Variants in HMGA2 observed in about 807,000 individuals in gnomAD.
The protein encoded by HMGA2 is high mobility group protein HMGI-C.
Under a neutral mutation model 19.1 loss-of-function variants are expected in HMGA2, and 8 were observed. That is an observed-to-expected ratio of 0.42 (90% CI 0.25 to 0.76). The LOEUF (loss-of-function observed/expected upper bound fraction) is 0.76. Ranked by LOEUF, HMGA2 falls within the 30% of genes least tolerant of loss-of-function variation. The pLI, the probability that HMGA2 is intolerant of heterozygous loss-of-function variation, is 0.28. For synonymous variants in HMGA2, 60 were observed against 48.8 expected, an observed-to-expected ratio of 1.23 and a Z score of -0.96; for missense variants, 109 against 136.3, an observed-to-expected ratio of 0.80 and a Z score of 1.00.
At chr12:65,947,031 G>A (rs1876290595) in intron 3 of HMGA2, among the ~76,000 whole-genome samples, 1 of 152,128 alleles carries the variant, frequency 6.6e-6, no homozygotes, top group Non-Finnish European at 1.5e-5. Flanking sequence ...CTAGACTGCA[G>A]AGAACTACTC....
chr12:65,879,853 A>G (rs1424480714), intron 3 of HMGA2, among the ~76,000 whole-genome samples: 4 of 152,246 alleles, frequency 2.6e-5, no homozygotes, highest in East Asian at 1.9e-4. Flanking sequence ...TAAGCATAAC[A>G]TATCTCCACA....
At chr12:65,937,895 A>G (rs1875950422) in intron 3 of HMGA2, among the ~76,000 whole-genome samples, 1 of 152,166 alleles carries the variant, frequency 6.6e-6, no homozygotes, top group African/African-American at 2.4e-5. Context: ...AGCACAGAGA[A>G]TAGTAAAATG....
At chr12:65,897,276 TA>T (rs1379612671) in intron 3 of HMGA2, among the ~76,000 whole-genome samples, 2 of 152,196 alleles carry the variant, frequency 1.3e-5, no homozygotes, top group Non-Finnish European at 2.9e-5. Flanking sequence ...ACACTTAAAT[TA>T]TTATTGACCA....
intron 4 of HMGA2, chr12:65,956,440 C>T (rs1163231840): frequency 6.6e-6 from 1 of 152,122 alleles, no homozygotes; most frequent in Non-Finnish European, 1.5e-5. Flanking sequence ...TAAAGTAGCT[C>T]AAGGACATAG....
intron 3 of HMGA2, among the ~76,000 whole-genome samples, chr12:65,895,282 A>G (rs1341088692): frequency 2.0e-5 from 3 of 152,162 alleles, no homozygotes; most frequent in Non-Finnish European, 4.4e-5. Flanking sequence ...GAGGAAAGGT[A>G]TTACACTTAG....
chr12:65,830,307 T>G (rs1468779735), intron 2 of HMGA2, among the ~76,000 whole-genome samples: 1 of 151,980 alleles, frequency 6.6e-6, no homozygotes, highest in East Asian at 1.9e-4. Context: ...TTTCAAACAT[T>G]TGTTTATTAA....
Position 65,824,891 on chromosome 12 carries a change from C to T in HMGA2, c.-380C>T, listed in dbSNP as rs1028088061. The T allele has an allele frequency of 3.5e-6, 1 of 282,210 alleles. No homozygotes were observed. Among genetic ancestry groups the T allele is most frequent in the Admixed American group, 5.4e-5 (1 of 18,540 alleles). 17.5% of individuals were successfully genotyped at this position (282,210 alleles called of 1,614,324 possible). On this transcript the variant is annotated 5_prime_UTR_variant, in exon 1 of 5. Transcript: ENST00000403681. The stretch of plus-strand genomic sequence containing the variant: ...GAAGTGCTCCCGGTGCCCGCAACTC[C>T]TGATCCCAACCCGCGAGAGGAGCCT...
chr12:65,941,471 C>T (rs905675845), intron 3 of HMGA2, among the ~76,000 whole-genome samples: 1 of 151,970 alleles, frequency 6.6e-6, no homozygotes, highest in Admixed American at 6.6e-5. Flanking sequence ...AAGCTTCCTC[C>T]AAGAAAAACA....
In HMGA2 at chr12:65,966,170, A is replaced by C. The variant is rs1876904218; in HGVS notation, c.*2878A>C. On this transcript the variant is annotated 3_prime_UTR_variant, in exon 5 of 5. Transcript: ENST00000403681. ...GCTTGCTTGTTGAAAATATTTCTCT[A>C]GTGTATTATCACTGTCTGTTCTGCA... is the stretch of plus-strand genomic sequence containing the variant. 1 of 202,472 alleles carries C rather than the reference A, an allele frequency of 4.9e-6. No homozygotes were observed. Among genetic ancestry groups the C allele is most frequent in the Non-Finnish European group, 1.0e-5 (1 of 98,290 alleles). The allele number at this position is 202,472 out of a possible 1,614,324, so 12.5% of individuals were successfully genotyped here.
intron 3 of HMGA2, among the ~76,000 whole-genome samples, chr12:65,889,225 T>G (rs1041292622): frequency 6.6e-6 from 1 of 152,212 alleles, no homozygotes; most frequent in East Asian, 1.9e-4. Flanking sequence ...TTTTTGGAAT[T>G]AATACAGGAT....
In HMGA2 at chr12:65,824,903, C is replaced by T. The variant is rs982665230; in HGVS notation, c.-368C>T. The T allele has an allele frequency of 3.5e-6, 1 of 289,624 alleles. No individual in the cohort carries two copies. The highest frequency in any genetic ancestry group is 2.2e-5 in the African/African-American group (1 of 46,314). The allele number at this position is 289,624 out of a possible 1,614,324, so 17.9% of individuals were successfully genotyped here. ...GTGCCCGCAACTCCTGATCCCAACC[C>T]GCGAGAGGAGCCTCTGCGACCTCAA... On this transcript the variant is annotated 5_prime_UTR_variant, in exon 1 of 5. Transcript: ENST00000403681.
rs565001869 is a variant in HMGA2 at position 65,947,144 on chromosome 12, G to A, written c.250-4239G>A. Among the ~76,000 whole-genome samples the A allele has an allele frequency of 2.0e-5, 3 of 150,986 alleles. No homozygotes were observed. In the East Asian group the frequency reaches 5.8e-4, roughly 29 times the overall value. On this transcript the variant is annotated intron_variant, in intron 3 of 4. Coordinates refer to ENST00000403681, the MANE Select transcript of HMGA2 (RefSeq NM_003483.6). ...ACCACTTTTTTTTTTTTTTGAGGCA[G>A]AGTCTTGCTCCGTCACCCAGGCGGG...
chr12:65,947,177 T>C (rs1876297322), intron 3 of HMGA2, among the ~76,000 whole-genome samples: 1 of 151,774 alleles, frequency 6.6e-6, no homozygotes, highest in African/African-American at 2.4e-5. Context: ...GGGAGTGCAA[T>C]GGTGTGATCA....
rs536410832 is a variant in HMGA2 at position 65,945,728 on chromosome 12, A to G, written c.250-5655A>G. Among the ~76,000 whole-genome samples the G allele has an allele frequency of 9.2e-5, 14 of 152,342 alleles. No individual in the cohort carries two copies. In the South Asian group the frequency reaches 1.4e-3, roughly 16 times the overall value. On this transcript the variant is annotated intron_variant, in intron 3 of 4. Transcript: ENST00000403681. ...AGAGAGATTGGATGATTACTTGTCTAGAATTTGAGCTGTGTCTACTTATTC... is the reference window on the plus strand; with the variant it reads ...AGAGAGATTGGATGATTACTTGTCTGGAATTTGAGCTGTGTCTACTTATTC...
At chr12:65,901,577 G>A (rs545487575) in intron 3 of HMGA2, among the ~76,000 whole-genome samples, 78 of 152,272 alleles carry the variant, frequency 5.1e-4, no homozygotes, top group African/African-American at 1.9e-3. Context: ...GAAATAGCAA[G>A]TGAAACAAAT....
At chr12:65,852,075 T>C (rs759240126) in intron 3 of HMGA2, among the ~76,000 whole-genome samples, 1 of 150,104 alleles carries the variant, frequency 6.7e-6, no homozygotes, top group Non-Finnish European at 1.5e-5. Context: ...ACAAATAATT[T>C]GAAAGTAATT....
intron 3 of HMGA2, among the ~76,000 whole-genome samples, chr12:65,840,977 C>G (rs115585909): frequency 0.015 from 2,216 of 152,156 alleles, 49 homozygotes; most frequent in African/African-American, 0.051. Flanking sequence ...CTGTCTTCTC[C>G]GAACCTTCCT....
At chr12:65,916,364 T>C (rs1048081619) in intron 3 of HMGA2, among the ~76,000 whole-genome samples, 1 of 152,248 alleles carries the variant, frequency 6.6e-6, no homozygotes, top group African/African-American at 2.4e-5. Flanking sequence ...GACAGCATGA[T>C]GTACTGGACT....
At chr12:65,838,986 C>CTTTTTTTTTTTTTTTTTTTTTTTTTTT (rs1236837070) in intron 3 of HMGA2, among the ~76,000 whole-genome samples, 1 of 91,348 alleles carries the variant, frequency 1.1e-5, no homozygotes. Flanking sequence ...CTTTTTCTTT[C>CTTTTTTTTTTTTTTTTTTTTTTTTTTT]TTTTTCTTTT....
Sources: gnomAD v4.1 joint callset for allele counts (sites outside exome capture counted in the v4.1 genomes callset) on GRCh38, gnomAD v4.1.1 for gene constraint, MANE v1.5 for transcripts, NCBI Gene and HGNC (gene_info 2026-07-23, HGNC 2026-07-21) for gene names.